AMPD2: variants seen among roughly 807,000 people sequenced by gnomAD.
AMPD2 encodes AMP deaminase 2.
A neutral mutation model predicts 91.3 loss-of-function variants in AMPD2; 52 were observed. The ratio of observed to expected loss-of-function variants is 0.57; its 90% CI spans 0.46 to 0.72. The LOEUF is 0.72. Ranked by LOEUF, AMPD2 falls within the 30% of genes least tolerant of loss-of-function variation. AMPD2 has a pLI of 0.00. For missense variants in AMPD2, 822 were observed against 1,122.3 expected, an observed-to-expected ratio of 0.73 and a Z score of 3.82; for synonymous variants, 455 against 456.4, an observed-to-expected ratio of 1.00 and a Z score of 0.04.
In AMPD2 at chr1:109,631,071, C is replaced by T; in HGVS notation, c.2397C>T (p.Leu799=). The change falls in exon 19 of 19, where the codon CTC becomes CTT. Residue 799 remains leucine (L), a synonymous_variant. Coordinates refer to ENST00000528667, the MANE Select transcript of AMPD2 (RefSeq NM_001368809.2). ...AGACCCTGTGCCAGGAGCTGGCGCT[C>T]ATCACGCAGGCAGTCCAGAGTGAGA... ...RYETLCQELA[L]ITQAVQSEML... is the part of the protein sequence containing the mutation. 4.3e-6 allele frequency: 7 copies of T among 1,613,584 alleles called. No individual in the cohort carries two copies. The highest frequency in any genetic ancestry group is 5.9e-6 in the Non-Finnish European group (7 of 1,179,792).
Position 109,626,353 on chromosome 1 carries a change from C to A in AMPD2, c.457C>A (p.Arg153=), listed in dbSNP as rs373334637. Residue 153 remains arginine (R), a synonymous_variant, in exon 6 of 19, where the codon CGG becomes AGG. Coordinates refer to ENST00000528667, the MANE Select transcript of AMPD2 (RefSeq NM_001368809.2). ...GGAACAGGGTGAGGGGCAGGGTGAC[C>A]GGAGCCTGCGGGAGCGTGATGTGCT... ...YKEQGEGQGD[R]SLRERDVLER... The A allele has an allele frequency of 6.2e-7, 1 of 1,612,686 alleles. No homozygotes were observed.
chr1:109,627,935 C>G lies in AMPD2; in HGVS notation c.1080+32C>G, dbSNP rs766315906. The G allele has an allele frequency of 5.6e-6, 9 of 1,613,064 alleles. No individual in the cohort carries two copies. The East Asian group carries it at 1.8e-4, about 32-fold the overall frequency. ...CCTCACCCCGTGGCCGTCTCCATGT[C>G]CTCATCCCACACCTCTGCCCAGCCT... is the stretch of plus-strand genomic sequence containing the variant. On this transcript the variant is annotated intron_variant, in intron 10 of 18. Coordinates refer to ENST00000528667, the MANE Select transcript of AMPD2 (RefSeq NM_001368809.2).
At position 109,625,709 on chromosome 1, in the gene AMPD2, G is replaced by A. The variant is rs139217835; in HGVS notation, c.270G>A (p.Pro90=). Residue 90 remains proline (P), a synonymous_variant, in exon 4 of 19, where the codon CCG becomes CCA. Coordinates refer to ENST00000528667, the MANE Select transcript of AMPD2 (RefSeq NM_001368809.2). This position sits in a 1 kb window ranked among gnomAD's most constrained non-coding sequence, Gnocchi z 4.0. The part of the protein sequence containing the change: ...SLAESELRSA[P]YEFPEESPIE... ...CTGAGAGCGAGCTCCGTAGTGCCCCGTATGAGTTCCCCGAGGAGAGCCCCA... is the reference window on the plus strand; with the variant it reads ...CTGAGAGCGAGCTCCGTAGTGCCCCATATGAGTTCCCCGAGGAGAGCCCCA... 8 of 1,614,150 alleles carry A rather than the reference G, an allele frequency of 5.0e-6. No homozygotes were observed. The highest frequency in any genetic ancestry group is 4.5e-5 in the East Asian group (2 of 44,876).
rs1034618960 is a variant in AMPD2, at chr1:109,631,329, T to C, written c.*177T>C. The C allele has an allele frequency of 8.6e-6, 6 of 694,510 alleles. No homozygotes were observed. The Admixed American group carries it at 1.6e-4, about 18-fold the overall frequency. 43.0% of individuals were successfully genotyped at this position (694,510 alleles called of 1,614,324 possible). The stretch of plus-strand genomic sequence containing the variant: ...GTGAAAGCAAAGCCTGGGAATCTGC[T>C]CATTGTTGTTTGGGCTCAGGTATTG... On this transcript the variant is annotated 3_prime_UTR_variant, in exon 19 of 19. Coordinates refer to ENST00000528667, the MANE Select transcript of AMPD2 (RefSeq NM_001368809.2).
In AMPD2 at chr1:109,630,674, C is replaced by A. The variant is rs756915998; in HGVS notation, c.2158-9C>A. The stretch of plus-strand genomic sequence containing the variant: ...GGCGCACTCGTCTGAGGGAACCTGG[C>A]CCGTGCAGGAGCCGCTGATGGAGGA... On this transcript the variant is annotated splice_polypyrimidine_tract_variant and intron_variant, in intron 17 of 18. Coordinates refer to ENST00000528667, the MANE Select transcript of AMPD2 (RefSeq NM_001368809.2). 4.0e-5 allele frequency: 65 copies of A among 1,606,324 alleles called. No individual in the cohort carries two copies. The Admixed American group carries it at 1.1e-3, about 27-fold the overall frequency.
At chr1:109,627,599 C>A in intron 9 of AMPD2, 81 bp downstream of exon 9, 1 of 1,557,210 alleles carries the variant, frequency 6.4e-7, no homozygotes, top group Non-Finnish European at 8.9e-7. Flanking sequence ...AGACTCCCAT[C>A]ACCTGGTGTC....
At chr1:109,629,263 G>A (rs1259183784) in intron 14 of AMPD2, 28 bp downstream of exon 14, 1 of 1,614,056 alleles carries the variant, frequency 6.2e-7, no homozygotes, top group East Asian at 2.2e-5. Context: ...AGCTGGGTAT[G>A]GGGAGGGCAG....
chr1:109,629,084 T>A, intron 13 of AMPD2, 25 bp from the exon 14 acceptor site: 1 of 1,611,986 alleles, frequency 6.2e-7, no homozygotes, highest in Non-Finnish European at 8.5e-7. Context: ...GACTTGCACA[T>A]ACCTGCATGT....
At chr1:109,626,700 G>C (rs1232176383) in intron 6 of AMPD2, 26 bp from the exon 7 acceptor site, 8 of 1,602,552 alleles carry the variant, frequency 5.0e-6, no homozygotes, top group Non-Finnish European at 4.3e-6. Context: ...AGACTGAGGA[G>C]AGTGATCGCA....
Position 109,626,409 on chromosome 1 carries a change from T to C in AMPD2, c.513T>C (p.Ser171=). Residue 171 remains serine (S), a synonymous_variant, in exon 6 of 19, where the codon TCT becomes TCC. Transcript: ENST00000528667. Reference sequence around the variant, plus strand: ...GGGAGTTTCAGCGGGTCACCATCTCTGGGGAGGAGAAGTGTGGGGTAAGTA... The same window carrying C: ...GGGAGTTTCAGCGGGTCACCATCTCCGGGGAGGAGAAGTGTGGGGTAAGTA... ...LEREFQRVTI[S]GEEKCGVPFT... The C allele has an allele frequency of 6.2e-7, 1 of 1,610,556 alleles. No homozygotes were observed. The highest frequency in any genetic ancestry group is 8.5e-7 in the Non-Finnish European group (1 of 1,178,726).
At chr1:109,621,551 G>A in intron 2 of AMPD2, 4 of 556,866 alleles carry the variant, frequency 7.2e-6, no homozygotes, top group Non-Finnish European at 3.3e-6. Context: ...GTGTCAGCGT[G>A]TGCATGTGCT....
chr1:109,625,653 T>C lies in AMPD2; in HGVS notation c.223-9T>C. 2 of 1,611,634 alleles carry C rather than the reference T, an allele frequency of 1.2e-6. No homozygotes were observed. The highest frequency in any genetic ancestry group is 1.7e-6 in the Non-Finnish European group (2 of 1,178,370). ...GCCAGCCATGCTGACCTTCCTTCCC[T>C]CCCCCCAGGAGCTGTTCACCCGCTC... On this transcript the variant is annotated splice_polypyrimidine_tract_variant and intron_variant, in intron 3 of 18. Transcript: ENST00000528667. The surrounding 1 kb of genome is among the most constrained non-coding windows in gnomAD (Gnocchi z 4.0).
intron 9 of AMPD2, 92 bp from the exon 10 acceptor site, chr1:109,627,682 C>A: frequency 6.4e-7 from 1 of 1,565,216 alleles, no homozygotes; most frequent in Non-Finnish European, 8.7e-7. Flanking sequence ...CATCCTTACC[C>A]TCCCACCTGC....
Position 109,625,960 on chromosome 1 carries a change from G to A in AMPD2, c.353+168G>A. 3 of 1,194,386 alleles carry A rather than the reference G, an allele frequency of 2.5e-6. No homozygotes were observed. Among genetic ancestry groups the A allele is most frequent in the East Asian group, 2.6e-5 (1 of 39,104 alleles). 74.0% of individuals were successfully genotyped at this position (1,194,386 alleles called of 1,614,324 possible). On this transcript the variant is annotated intron_variant, in intron 4 of 18. Transcript: ENST00000528667. This position sits in a 1 kb window ranked among gnomAD's most constrained non-coding sequence, Gnocchi z 4.0. Reference sequence around the variant, plus strand: ...GGTTCTGTTCTGTCTTCTAGCCGCCGGTGTGGCTGGGTCATGTTGCTTAAC... The same window carrying A: ...GGTTCTGTTCTGTCTTCTAGCCGCCAGTGTGGCTGGGTCATGTTGCTTAAC...
At chr1:109,620,459 G>T in intron 1 of AMPD2, 181 bp downstream of exon 1, 1 of 1,214,850 alleles carries the variant, frequency 8.2e-7, no homozygotes, top group South Asian at 1.6e-5. Flanking sequence ...AATCCAAAGA[G>T]GCTAGGGTCT....
intron 14 of AMPD2, 38 bp downstream of exon 14, chr1:109,629,273 G>A: frequency 1.2e-6 from 2 of 1,613,972 alleles, no homozygotes; most frequent in Non-Finnish European, 1.7e-6. Flanking sequence ...GGGGAGGGCA[G>A]CCGGCTTCGC....
chr1:109,626,506 G>C (rs1424300973), intron 6 of AMPD2, 79 bp downstream of exon 6: 3 of 1,427,654 alleles, frequency 2.1e-6, no homozygotes, highest in Non-Finnish European at 2.8e-6. Flanking sequence ...AGCTGGGGGT[G>C]GGGGCTGGAA....
chr1:109,627,497 C>T lies in AMPD2; in HGVS notation c.929C>T (p.Ala310Val), dbSNP rs771408289. Reference sequence around the variant, plus strand: ...GTGGCTGACGTCAATGTGCTGATGGCCCTGATTATCAATGGCCCCATGTGA... The same window carrying T: ...GTGGCTGACGTCAATGTGCTGATGGTCCTGATTATCAATGGCCCCATGTGA... ...EFVADVNVLMALIINGPIKSF... is the reference protein window; with the variant it reads ...EFVADVNVLMVLIINGPIKSF... The change falls in exon 9 of 19, where the codon GCC (alanine) becomes GTC (valine). Residue 310 changes from alanine (A) to valine (V), a missense_variant. Physicochemically the swap from Ala to Val is moderately conservative, Grantham distance 64. Around this residue, in one of 5 missense-constraint regions of AMPD2, gnomAD observed 240 missense variants for 270.3 expected, o/e 0.89. Coordinates refer to ENST00000528667, the MANE Select transcript of AMPD2 (RefSeq NM_001368809.2). 6 of 1,613,918 alleles carry T rather than the reference C, an allele frequency of 3.7e-6. No homozygotes were observed. Among genetic ancestry groups the T allele is most frequent in the Non-Finnish European group, 4.2e-6 (5 of 1,179,970 alleles).
intron 1 of AMPD2, 88 bp from the exon 2 acceptor site, chr1:109,620,826 G>C: frequency 7.2e-7 from 1 of 1,388,336 alleles, no homozygotes; most frequent in Non-Finnish European, 9.4e-7. Context: ...GCATGATGGG[G>C]TGAGGGCTCT....
Sources: allele counts gnomAD v4.1 joint callset, GRCh38; gene constraint gnomAD v4.1.1; regional missense constraint gnomAD v4.1.1; non-coding constraint Gnocchi (gnomAD v3.1); transcripts MANE v1.5; gene names NCBI Gene and HGNC (gene_info 2026-07-23, HGNC 2026-07-21).